Variants in CLCC1 observed in about 807,000 individuals in gnomAD.
CLCC1 encodes the protein chloride channel CLIC like 1, also known as chloride channel CLIC-like protein 1.
Under a neutral mutation model 63.3 loss-of-function variants are expected in CLCC1, and 39 were observed. The ratio of observed to expected loss-of-function variants is 0.62; its 90% CI spans 0.48 to 0.81. The LOEUF is 0.81. Ranked by LOEUF, CLCC1 falls within the 30% of genes least tolerant of loss-of-function variation. The pLI is 0.00. For synonymous variants in CLCC1, 217 were observed against 239.8 expected (o/e 0.90, Z 0.88); for missense variants, 549 against 669.4 (o/e 0.82, Z 1.98).
intron 9 of CLCC1, 50 bp from the exon 10 acceptor site, chr1:108,939,832 C>T (rs771439055): frequency 2.6e-6 from 4 of 1,561,622 alleles, no homozygotes; most frequent in Admixed American, 1.9e-5. Flanking sequence ...GACTAAGGTA[C>T]AGAATGCATC....
intron 12 of CLCC1, chr1:108,932,716 CAAGAGGACACTTTAT>C (rs1400863047): frequency 6.6e-6 from 1 of 152,180 alleles, no homozygotes; most frequent in Non-Finnish European, 1.5e-5. Context: ...TGTCTTGTCC[CAAGAGGACACTTTAT>C]ACGCATGGAT....
chr1:108,963,172 G>A (rs1656892225), intron 1 of CLCC1, among the ~76,000 whole-genome samples, 189 bp downstream of exon 1: 1 of 152,214 alleles, frequency 6.6e-6, no homozygotes, highest in Non-Finnish European at 1.5e-5. Flanking sequence ...CCGCCGGCGC[G>A]GGAGCTGAGG....
intron 10 of CLCC1, among the ~76,000 whole-genome samples, chr1:108,938,079 CAG>C (rs1045843996): frequency 9.9e-5 from 15 of 152,180 alleles, no homozygotes; most frequent in African/African-American, 3.1e-4. Flanking sequence ...CACTCAGACT[CAG>C]GGGATGCATG....
At position 108,931,454 on chromosome 1, in the gene CLCC1, GT is replaced by G. The variant is rs1651959281; in HGVS notation, c.*1092del. On this transcript the variant is annotated 3_prime_UTR_variant, in exon 13 of 13. Transcript: ENST00000369969. Reference sequence around the variant, plus strand: ...CACGCTTGGAACAAGTTGCCAACTTGTTTCACTCTGCTTGCTTCAGACTGTG... The same window carrying G: ...CACGCTTGGAACAAGTTGCCAACTTGTTCACTCTGCTTGCTTCAGACTGTG... The G allele has an allele frequency of 6.4e-7, 1 of 1,550,730 alleles. No homozygotes were observed. Among genetic ancestry groups the G allele is most frequent in the African/African-American group, 1.4e-5 (1 of 73,014 alleles).
At chr1:108,943,665 C>T in intron 6 of CLCC1, 50 bp from the exon 7 acceptor site, 1 of 1,601,168 alleles carries the variant, frequency 6.2e-7, no homozygotes, top group Non-Finnish European at 8.5e-7. Context: ...CTTAAGACAG[C>T]TAAAAAGAAC....
chr1:108,931,526 A>G lies in CLCC1; in HGVS notation c.*1021T>C, dbSNP rs781208767. 4.7e-5 allele frequency: 72 copies of G among 1,525,812 alleles called. No homozygotes were observed. Among genetic ancestry groups the G allele is most frequent in the Non-Finnish European group, 2.6e-6 (3 of 1,133,258 alleles). 94.5% of individuals were successfully genotyped at this position (1,525,812 alleles called of 1,614,324 possible). A position where few individuals can be genotyped will look rare whatever the true frequency, so the allele number is the denominator to read the frequency against. On this transcript the variant is annotated 3_prime_UTR_variant, in exon 13 of 13. Transcript: ENST00000369969. ...GGGATGTGGACCCCTATTCTTTCAA[A>G]AAGTCATTCAGGTGATTTGGATGGG...
chr1:108,939,720 A>C lies in CLCC1; in HGVS notation c.957T>G (p.Thr319=). The change falls in exon 10 of 13, where the codon ACT becomes ACG. Residue 319 remains threonine (T), a synonymous_variant. Coordinates refer to ENST00000369969, the MANE Select transcript of CLCC1 (RefSeq NM_001377458.1). ...TCATGAGTGCTTTAATAAATTCCCC[A>C]GTTCCTTTTCCAATATGCTTCAATG... ...TEPLKHIGKG[T]GEFIKALMKE... is the part of the protein sequence containing the mutation. 6.2e-7 allele frequency: 1 copy of C among 1,614,176 alleles called. No homozygotes were observed. Among genetic ancestry groups the C allele is most frequent in the African/African-American group, 1.3e-5 (1 of 75,054 alleles).
intron 2 of CLCC1, among the ~76,000 whole-genome samples, chr1:108,951,651 G>A (rs1167773951): frequency 6.8e-6 from 1 of 145,994 alleles, no homozygotes; most frequent in African/African-American, 2.6e-5. Flanking sequence ...TGAAGGTTTG[G>A]GAGTATAGTA....
intron 4 of CLCC1, among the ~76,000 whole-genome samples, chr1:108,948,501 G>A (rs1395973522): frequency 6.6e-6 from 1 of 152,170 alleles, no homozygotes; most frequent in African/African-American, 2.4e-5. Context: ...ATGCACATCA[G>A]TGGATAAACA....
At chr1:108,950,930 A>G (rs184141276) in intron 2 of CLCC1, among the ~76,000 whole-genome samples, 20 of 152,374 alleles carry the variant, frequency 1.3e-4, no homozygotes, top group African/African-American at 4.8e-4. Flanking sequence ...ATATTAAAAA[A>G]ATGCATATAT....
At chr1:108,958,549 T>C (rs1656217668) in intron 2 of CLCC1, among the ~76,000 whole-genome samples, 1 of 151,592 alleles carries the variant, frequency 6.6e-6, no homozygotes, top group Non-Finnish European at 1.5e-5. Context: ...AGAGAAGCCA[T>C]AAAGTGCTTC....
chr1:108,950,441 G>C lies in CLCC1; in HGVS notation c.-4C>G. On this transcript the variant is annotated 5_prime_UTR_variant, in exon 3 of 13. Coordinates refer to ENST00000369969, the MANE Select transcript of CLCC1 (RefSeq NM_001377458.1). Reference sequence around the variant, plus strand: ...AAAGGAGCAAAGAACACAGCATCCTGTATAAGGCTAAAACAATTTTTAATA... The same window carrying C: ...AAAGGAGCAAAGAACACAGCATCCTCTATAAGGCTAAAACAATTTTTAATA... 1.3e-6 allele frequency: 2 copies of C among 1,563,062 alleles called. No homozygotes were observed. The highest frequency in any genetic ancestry group is 1.7e-6 in the Non-Finnish European group (2 of 1,152,646).
chr1:108,948,762 T>G (rs551401113), intron 4 of CLCC1, among the ~76,000 whole-genome samples: 1 of 152,338 alleles, frequency 6.6e-6, no homozygotes, highest in Non-Finnish European at 1.5e-5. Context: ...TATTTCTGCA[T>G]TTTTGCTGTG....
chr1:108,951,348 C>T (rs996234979), intron 2 of CLCC1, among the ~76,000 whole-genome samples: 3 of 152,150 alleles, frequency 2.0e-5, no homozygotes, highest in African/African-American at 4.8e-5. Flanking sequence ...CACCACTGCA[C>T]CCCAACCTGG....
chr1:108,949,668 A>G, intron 4 of CLCC1, 152 bp downstream of exon 4: 1 of 472,744 alleles, frequency 2.1e-6, no homozygotes, highest in Non-Finnish European at 3.7e-6. Flanking sequence ...ACTAATAAGA[A>G]ACCAAGGTTA....
intron 2 of CLCC1, among the ~76,000 whole-genome samples, chr1:108,959,152 C>CA (rs1411707650): frequency 6.6e-6 from 1 of 152,070 alleles, no homozygotes; most frequent in African/African-American, 2.4e-5. Flanking sequence ...CCAGCTTGGG[C>CA]AACAACAGTG....
At chr1:108,949,784 TATAAAA>T in intron 4 of CLCC1, 30 bp downstream of exon 4, 1 of 1,072,214 alleles carries the variant, frequency 9.3e-7, no homozygotes, top group Non-Finnish European at 1.3e-6. Flanking sequence ...TTTAACATAA[TATAAAA>T]ATATAAAATT....
intron 5 of CLCC1, among the ~76,000 whole-genome samples, chr1:108,945,511 A>T (rs1654425250): frequency 6.6e-6 from 1 of 152,198 alleles, no homozygotes; most frequent in Non-Finnish European, 1.5e-5. Context: ...ACCACTCTTC[A>T]CTGTGTCCCA....
At chr1:108,963,318 C>A in intron 1 of CLCC1, 43 bp downstream of exon 1, 1 of 678,698 alleles carries the variant, frequency 1.5e-6, no homozygotes, top group Non-Finnish European at 2.7e-6. Context: ...GGCGGGTAAC[C>A]CGCCCCACCC....
Sources: allele counts gnomAD v4.1 joint callset (sites outside exome capture counted in the v4.1 genomes callset), GRCh38; gene constraint gnomAD v4.1.1; transcripts MANE v1.5; gene names NCBI Gene and HGNC (gene_info 2026-07-23, HGNC 2026-07-21).